The following MBP variants were observed in gnomAD, a reference collection of about 807,000 sequenced individuals.
MBP encodes the protein myelin basic protein.
MBP carries 16 observed loss-of-function variants against 35.8 expected under a neutral mutation model. The ratio of observed to expected loss-of-function variants is 0.45; its 90% confidence interval spans 0.30 to 0.68. The LOEUF (loss-of-function observed/expected upper bound fraction) is 0.68. Ranked by LOEUF, MBP falls within the 30% of genes least tolerant of loss-of-function variation. The pLI is 0.08. For synonymous variants in MBP, 143 were observed against 159.6 expected, an observed-to-expected ratio of 0.90 and a Z score of 0.78; for missense variants, 380 against 404.7, an observed-to-expected ratio of 0.94 and a Z score of 0.52.
chr18:77,049,341 C>T (rs4890790), intron 3 of MBP, among the ~76,000 whole-genome samples: 95,024 of 152,082 alleles, frequency 0.62, 29,879 homozygotes, highest in East Asian at 0.79. Flanking sequence ...AATAAAAAGC[C>T]TTGATGCATG....
intron 3 of MBP, among the ~76,000 whole-genome samples, chr18:77,039,692 C>T (rs1972907499): frequency 6.6e-6 from 1 of 152,168 alleles, no homozygotes; most frequent in Admixed American, 6.5e-5. Context: ...ATCTCTGCTT[C>T]CTGCCAGAAG....
At position 77,017,118 on chromosome 18, in the gene MBP, C is replaced by T. The variant is rs1443422900; in HGVS notation, c.290G>A (p.Arg97Gln). The T allele has an allele frequency of 3.2e-6, 5 of 1,586,858 alleles. No individual in the cohort carries two copies. Among genetic ancestry groups the T allele is most frequent in the Non-Finnish European group, 3.4e-6 (4 of 1,162,704 alleles). The change falls in exon 4 of 9, where the codon CGA becomes CAA. Residue 97 changes from arginine to glutamine, a missense_variant. Transcript: ENST00000355994. ...SRPHLIRLFSRDAPGREDNTF... is the reference protein window; with the variant it reads ...SRPHLIRLFSQDAPGREDNTF... Reference sequence around the variant, plus strand: ...GTTGTCCTCCCTCCCCGGGGCATCTCGGGAAAAGAGGCGGATCAAGTGGGG... The same window carrying T: ...GTTGTCCTCCCTCCCCGGGGCATCTTGGGAAAAGAGGCGGATCAAGTGGGG...
At chr18:77,056,860 A>G (rs1281946732) in intron 3 of MBP, among the ~76,000 whole-genome samples, 1 of 152,106 alleles carries the variant, frequency 6.6e-6, no homozygotes, top group Non-Finnish European at 1.5e-5. Context: ...TGGCCTCACT[A>G]AAGTAACTCC....
At chr18:77,010,920 T>C (rs113434129) in intron 4 of MBP, among the ~76,000 whole-genome samples, 188 of 152,286 alleles carry the variant, frequency 1.2e-3, no homozygotes, top group African/African-American at 4.4e-3. Context: ...AGGAGACTTA[T>C]AGTGGTCAAG....
intron 4 of MBP, among the ~76,000 whole-genome samples, chr18:76,997,999 A>G (rs1169210614): frequency 1.3e-5 from 2 of 152,246 alleles, no homozygotes. Flanking sequence ...CTTTTTAAAA[A>G]GTAATTTTTT....
At chr18:77,016,107 C>T (rs1971609349) in intron 4 of MBP, 1 of 984,914 alleles carries the variant, frequency 1.0e-6, no homozygotes, top group Non-Finnish European at 1.2e-6. Context: ...TCTCCACTGA[C>T]AATCAACTGC....
chr18:77,014,545 C>G (rs1971522654), intron 4 of MBP: 10 of 985,444 alleles, frequency 1.0e-5, no homozygotes, highest in Non-Finnish European at 1.2e-5. Flanking sequence ...AACAGGGGCT[C>G]TCCTGATTTG....
chr18:77,120,724 C>A (rs142755722), intron 1 of MBP, among the ~76,000 whole-genome samples: 90 of 152,242 alleles, frequency 5.9e-4, no homozygotes, highest in African/African-American at 2.1e-3. Flanking sequence ...ACGTTACCGA[C>A]CTTTGGAGCT....
intron 7 of MBP, chr18:76,987,219 G>A (rs1969609006): frequency 7.1e-6 from 7 of 985,418 alleles, no homozygotes; most frequent in Non-Finnish European, 6.0e-6. Context: ...AGCAGATAAA[G>A]CAGTAGCTAA....
intron 4 of MBP, among the ~76,000 whole-genome samples, chr18:76,997,890 G>A (rs939344430): frequency 1.3e-5 from 2 of 151,982 alleles, no homozygotes; most frequent in Non-Finnish European, 2.9e-5. Flanking sequence ...CACTGTGTTA[G>A]CCAGGATGGT....
chr18:77,016,163 T>TTG, intron 4 of MBP: 2 of 984,772 alleles, frequency 2.0e-6, no homozygotes, highest in Non-Finnish European at 2.4e-6. Context: ...GTTTTTTTTT[T>TTG]TTGTAATACA....
In MBP at chr18:76,988,609, G is replaced by A; in HGVS notation, c.718-82C>T. On this transcript the variant is annotated intron_variant, in intron 6 of 8. Coordinates refer to ENST00000355994, the MANE Select transcript of MBP (RefSeq NM_001025101.2). The surrounding 1 kb of genome is among the most constrained non-coding windows in gnomAD (Gnocchi z 5.2). ...TCAATCAACAGGAAACACAGTCAAA[G>A]CACAGTGGAGCTGAGGTGGTAAAAA... is the stretch of plus-strand genomic sequence containing the variant. 1 of 1,553,022 alleles carries A rather than the reference G, an allele frequency of 6.4e-7. No individual in the cohort carries two copies. The highest frequency in any genetic ancestry group is 8.7e-7 in the Non-Finnish European group (1 of 1,152,172).
chr18:77,118,831 A>G (rs112305239), intron 1 of MBP, among the ~76,000 whole-genome samples: 163 of 147,824 alleles, frequency 1.1e-3, no homozygotes, highest in African/African-American at 4.0e-3. Flanking sequence ...CACACACTCC[A>G]CAGACACTAC....
intron 1 of MBP, among the ~76,000 whole-genome samples, chr18:77,111,204 A>T (rs1196928112): frequency 6.6e-6 from 1 of 152,088 alleles, no homozygotes; most frequent in Non-Finnish European, 1.5e-5. Flanking sequence ...CCCAGCATCC[A>T]CCGAGGAGCC....
rs57715344 is a variant in MBP at position 77,100,508 on chromosome 18, G to GGTGT, written c.51+4699_51+4702dup. Among the ~76,000 whole-genome samples the GGTGT allele has an allele frequency of 2.0e-3, 270 of 133,686 alleles. 2 individuals are homozygous for GGTGT. Among genetic ancestry groups the GGTGT allele is most frequent in the African/African-American group, 6.5e-3 (238 of 36,768 alleles). The allele number at this position is 133,686 out of a possible 152,430, so 87.7% of individuals were successfully genotyped here. ...TAGCGCTGGCCTAGATAGAATTTGGGGTGTGTGTGTGTGTGTGTGTGTGTG... is the reference window on the plus strand; with the variant it reads ...TAGCGCTGGCCTAGATAGAATTTGGGGTGTGTGTGTGTGTGTGTGTGTGTGTGTG... On this transcript the variant is annotated intron_variant, in intron 2 of 8. Transcript: ENST00000355994.
chr18:76,986,481 GCA>G (rs1318432402), intron 7 of MBP: 4 of 985,518 alleles, frequency 4.1e-6, no homozygotes, highest in Non-Finnish European at 4.8e-6. Context: ...CAAGCTACTT[GCA>G]CAGTTTTCTT....
In MBP at chr18:77,053,466, G is replaced by A. The variant is rs559413623; in HGVS notation, c.139+12832C>T. 1.6e-4 allele frequency among the ~76,000 whole-genome samples: 25 copies of A among 152,340 alleles called. No homozygotes were observed. The South Asian group carries it at 5.0e-3, about 30-fold the overall frequency. On this transcript the variant is annotated intron_variant, in intron 3 of 8. Coordinates refer to ENST00000355994, the MANE Select transcript of MBP (RefSeq NM_001025101.2). Reference sequence around the variant, plus strand: ...ATTCCAAAGAACAAAAGCATCTCTCGAGTTCCAGGGACATTTTGTCAGTTG... The same window carrying A: ...ATTCCAAAGAACAAAAGCATCTCTCAAGTTCCAGGGACATTTTGTCAGTTG...
At chr18:77,087,890 C>A (rs1975322243) in intron 2 of MBP, among the ~76,000 whole-genome samples, 1 of 152,102 alleles carries the variant, frequency 6.6e-6, no homozygotes, top group African/African-American at 2.4e-5. Context: ...GAGGCCACCG[C>A]TGACACCCCG....
rs918514236 is a variant in MBP at position 77,044,905 on chromosome 18, G to A, written c.139+21393C>T. Among the ~76,000 whole-genome samples, 1 of 132,332 alleles carries A rather than the reference G, an allele frequency of 7.6e-6. No individual in the cohort carries two copies. Among genetic ancestry groups the A allele is most frequent in the African/African-American group, 2.9e-5 (1 of 34,136 alleles). 86.8% of individuals were successfully genotyped at this position (132,332 alleles called of 152,430 possible). On this transcript the variant is annotated intron_variant, in intron 3 of 8. Coordinates refer to ENST00000355994, the MANE Select transcript of MBP (RefSeq NM_001025101.2). The surrounding 1 kb of genome is among the most constrained non-coding windows in gnomAD (Gnocchi z 4.4). ...TGTGTGTAAGTGTGTGTGACTGTGTGAGTGTGTAAGAAAATGTGAGTCTGT... is the reference window on the plus strand; with the variant it reads ...TGTGTGTAAGTGTGTGTGACTGTGTAAGTGTGTAAGAAAATGTGAGTCTGT...
Sources: gnomAD v4.1 joint callset for allele counts (sites outside exome capture counted in the v4.1 genomes callset) on GRCh38, gnomAD v4.1.1 for gene constraint, Gnocchi (gnomAD v3.1) non-coding constraint, MANE v1.5 for transcripts, NCBI Gene and HGNC (gene_info 2026-07-23, HGNC 2026-07-21) for gene names.